NELL2: variants seen among roughly 807,000 people sequenced by gnomAD.
NELL2 encodes protein kinase C-binding protein NELL2.
A neutral mutation model predicts 109.6 loss-of-function variants in NELL2; 41 were observed. The observed-to-expected ratio is 0.37, with a 90% CI of 0.29 to 0.49. The LOEUF (loss-of-function observed/expected upper bound fraction) is 0.49, where lower values mean the gene tolerates loss of function less well. Ranked by LOEUF, NELL2 falls within the 20% of genes least tolerant of loss-of-function variation. The pLI is 0.98. For synonymous variants in NELL2, 355 were observed against 344.7 expected (o/e 1.03, Z -0.33); for missense variants, 900 against 1,008.3 (o/e 0.89, Z 1.45).
intron 14 of NELL2, among the ~76,000 whole-genome samples, chr12:44,608,569 A>G (rs1945493279): frequency 6.6e-6 from 1 of 152,040 alleles, no homozygotes; most frequent in Non-Finnish European, 1.5e-5. Flanking sequence ...AACTTCCAGA[A>G]GGAATTTATA....
chr12:44,560,040 A>G, intron 15 of NELL2, among the ~76,000 whole-genome samples: 1 of 152,230 alleles, frequency 6.6e-6, no homozygotes, highest in Non-Finnish European at 1.5e-5. Context: ...AAACCACACA[A>G]CTATATGGAA....
intron 9 of NELL2, among the ~76,000 whole-genome samples, chr12:44,771,240 A>T (rs1026181940): frequency 6.6e-6 from 1 of 152,066 alleles, no homozygotes; most frequent in African/African-American, 2.4e-5. Flanking sequence ...GTGAAGGCAA[A>T]CTCTGCTGCC....
intron 3 of NELL2, among the ~76,000 whole-genome samples, chr12:44,797,891 AACCATTCCATCCT>A (rs1942681013): frequency 1.1e-5 from 1 of 92,814 alleles, no homozygotes; most frequent in Non-Finnish European, 2.8e-5. Context: ...GATGGAATAA[AACCATTCCATCCT>A]AGATGGAATG....
chr12:44,581,308 T>C (rs996346463), intron 15 of NELL2, among the ~76,000 whole-genome samples: 5 of 151,956 alleles, frequency 3.3e-5, no homozygotes, highest in Non-Finnish European at 7.4e-5. Flanking sequence ...AAAAAGATTT[T>C]TTTAAAATCT....
Position 44,829,526 on chromosome 12 carries a change from T to C in NELL2, c.185-13390A>G, listed in dbSNP as rs115972672. ...ATGAACCATCATAATTTATAGAATATGTATCTGCCTTGATGAAAGCTACTG... is the reference window on the plus strand; with the variant it reads ...ATGAACCATCATAATTTATAGAATACGTATCTGCCTTGATGAAAGCTACTG... On this transcript the variant is annotated intron_variant, in intron 2 of 19. Transcript: ENST00000429094. 9.2e-3 allele frequency among the ~76,000 whole-genome samples: 1,401 copies of C among 152,298 alleles called. 26 individuals carry two copies. Among genetic ancestry groups the C allele is most frequent in the African/African-American group, 0.032 (1,335 of 41,570 alleles).
intron 2 of NELL2, among the ~76,000 whole-genome samples, chr12:44,817,915 T>A (rs1217063269): frequency 6.6e-6 from 1 of 152,144 alleles, no homozygotes; most frequent in Non-Finnish European, 1.5e-5. Context: ...GCATCACCTA[T>A]CCCTGTGCAC....
At chr12:44,845,140 T>C (rs1566518281) in intron 2 of NELL2, among the ~76,000 whole-genome samples, 1 of 152,168 alleles carries the variant, frequency 6.6e-6, no homozygotes, top group Admixed American at 6.5e-5. Flanking sequence ...ACTTTAGAAA[T>C]TGTCATTAAG....
At chr12:44,533,396 C>T (rs1942170636) in intron 15 of NELL2, among the ~76,000 whole-genome samples, 1 of 151,998 alleles carries the variant, frequency 6.6e-6, no homozygotes, top group Non-Finnish European at 1.5e-5. Flanking sequence ...GTGTTTCATA[C>T]ATACTACTTC....
intron 9 of NELL2, among the ~76,000 whole-genome samples, chr12:44,723,190 C>CA (rs754475891): frequency 0.089 from 11,119 of 124,924 alleles, 1,225 homozygotes; most frequent in African/African-American, 0.28. Flanking sequence ...GACTCCGTCT[C>CA]AAAAAAAAAA....
chr12:44,818,737 TTA>T (rs199673462), intron 2 of NELL2, among the ~76,000 whole-genome samples: 1,476 of 84,270 alleles, frequency 0.018, 283 homozygotes, highest in African/African-American at 0.062. Flanking sequence ...TTTTTTTTTT[TTA>T]TTTTTTTTTT....
chr12:44,692,908 T>A (rs1948943187), intron 12 of NELL2, among the ~76,000 whole-genome samples: 1 of 152,172 alleles, frequency 6.6e-6, no homozygotes, highest in South Asian at 2.1e-4. Context: ...CTACTCCTGG[T>A]AAAGATGCTA....
At chr12:44,523,604 C>T (rs1941637538) in intron 16 of NELL2, 120 bp from the exon 17 acceptor site, 2 of 767,582 alleles carry the variant, frequency 2.6e-6, no homozygotes, top group South Asian at 1.8e-5. Context: ...TTTCATCTTA[C>T]TGGCTTGCAT....
chr12:44,815,629 T>G (rs944004586), intron 3 of NELL2, among the ~76,000 whole-genome samples: 7 of 152,192 alleles, frequency 4.6e-5, no homozygotes, highest in African/African-American at 1.7e-4. Flanking sequence ...AATCTTTGTG[T>G]TGTTGTTGAG....
chr12:44,894,003 C>T (rs2658983), intron 1 of NELL2, among the ~76,000 whole-genome samples: 3,698 of 152,116 alleles, frequency 0.024, 163 homozygotes, highest in African/African-American at 0.084. Flanking sequence ...AGACCTAAAA[C>T]TGCATTTCAA....
intron 1 of NELL2, among the ~76,000 whole-genome samples, chr12:44,891,552 T>A (rs1436447561): frequency 6.6e-6 from 1 of 152,236 alleles, no homozygotes; most frequent in African/African-American, 2.4e-5. Flanking sequence ...TGAATTTTTG[T>A]TCATTCTTAA....
chr12:44,701,664 T>C (rs1213168396), intron 12 of NELL2, among the ~76,000 whole-genome samples: 2 of 152,152 alleles, frequency 1.3e-5, no homozygotes, highest in Non-Finnish European at 2.9e-5. Flanking sequence ...GGCTCTACTT[T>C]CAAAACGTAC....
intron 12 of NELL2, among the ~76,000 whole-genome samples, chr12:44,670,366 T>TA (rs1004646456): frequency 1.7e-4 from 26 of 151,600 alleles, no homozygotes; most frequent in Admixed American, 3.3e-4. Context: ...ATTATCACTA[T>TA]AAAAAAACCC....
intron 2 of NELL2, among the ~76,000 whole-genome samples, chr12:44,855,659 G>C (rs1246515563): frequency 6.6e-6 from 1 of 152,136 alleles, no homozygotes; most frequent in Non-Finnish European, 1.5e-5. Context: ...TATCTGCCTT[G>C]GAAATGTTTC....
intron 13 of NELL2, among the ~76,000 whole-genome samples, chr12:44,657,340 C>T (rs143332209): frequency 5.9e-5 from 9 of 152,062 alleles, no homozygotes; most frequent in Non-Finnish European, 8.8e-5. Flanking sequence ...AGTGTGTGTG[C>T]GGATGTGCAT....
Sources: allele counts gnomAD v4.1 joint callset (sites outside exome capture counted in the v4.1 genomes callset), GRCh38; gene constraint gnomAD v4.1.1; transcripts MANE v1.5; gene names NCBI Gene and HGNC (gene_info 2026-07-23, HGNC 2026-07-21).